The following KISS1R variants were observed in gnomAD, a reference collection of about 807,000 sequenced individuals.
KISS1R encodes KISS1 receptor, also known as kiSS-1 receptor.
In KISS1R, 19 loss-of-function variants were observed where a neutral mutation model predicts 22.0. The ratio of observed to expected loss-of-function variants is 0.86; its 90% CI spans 0.60 to 1.26. The LOEUF is 1.26. KISS1R is among the 50% of genes most tolerant of loss of function. The probability of loss-of-function intolerance (pLI) is 0.00; values close to 1 mark genes in which losing one functional copy is unlikely to be tolerated. For synonymous variants in KISS1R, 302 were observed against 283.9 expected, an observed-to-expected ratio of 1.06 and a Z score of -0.64; for missense variants, 653 against 581.9, an observed-to-expected ratio of 1.12 and a Z score of -1.26.
Position 917,738 on chromosome 19 carries a change from T to G in KISS1R, c.236T>G (p.Phe79Cys). Residue 79 changes from phenylalanine (F) to cysteine (C), a missense_variant, in exon 1 of 5, where the codon TTC becomes TGC. By Grantham distance (205) the Phe-to-Cys change is radical. Transcript: ENST00000234371. ...AAGCCGATGCGGACCGTGACCAACT[T>G]CTACATCGGTGAGTGCGGGCGCTGC... ...RHKPMRTVTN[F>C]YIANLAATDV... 1 of 1,604,972 alleles carries G rather than the reference T, an allele frequency of 6.2e-7. No homozygotes were observed. Among genetic ancestry groups the G allele is most frequent in the South Asian group, 1.1e-5 (1 of 90,196 alleles).
intron 2 of KISS1R, among the ~76,000 whole-genome samples, chr19:919,261 C>T (rs1041683127): frequency 2.0e-5 from 3 of 152,026 alleles, no homozygotes; most frequent in Non-Finnish European, 4.4e-5. Context: ...GTCTCAGACT[C>T]GGGGTATCAG....
chr19:919,649 C>T (rs1599370558), intron 3 of KISS1R, 24 bp downstream of exon 3: 2 of 1,543,296 alleles, frequency 1.3e-6, no homozygotes, highest in Non-Finnish European at 1.7e-6. Flanking sequence ...AGGGGCCTCA[C>T]GGGAGAAGGC....
intron 2 of KISS1R, 133 bp from the exon 3 acceptor site, chr19:919,357 G>A: frequency 7.6e-7 from 1 of 1,309,434 alleles, no homozygotes. Context: ...AACCCGCACT[G>A]GACACTCCTC....
At chr19:918,735 AG>A (rs2037083254) in intron 2 of KISS1R, 67 bp downstream of exon 2, 2 of 817,276 alleles carry the variant, frequency 2.4e-6, no homozygotes, top group Admixed American at 8.9e-5. Context: ...CCGCAGTGGG[AG>A]GGGAGGGGAC....
At chr19:918,483 C>G in intron 1 of KISS1R, 61 bp from the exon 2 acceptor site, 1 of 1,528,082 alleles carries the variant, frequency 6.5e-7, no homozygotes, top group Non-Finnish European at 8.8e-7. Context: ...GGGCCAGGAG[C>G]GCTGGGCGGT....
At chr19:920,205 A>G (rs573645100) in intron 4 of KISS1R, 85 bp from the exon 5 acceptor site, 63 of 1,518,448 alleles carry the variant, frequency 4.1e-5, no homozygotes, top group Non-Finnish European at 5.1e-5. Flanking sequence ...GGGACAGCCC[A>G]AGGGGTCCAG....
At position 917,709 on chromosome 19, in the gene KISS1R, C is replaced by T. The variant is rs1454827409; in HGVS notation, c.207C>T (p.Arg69=). 5 of 1,602,998 alleles carry T rather than the reference C, an allele frequency of 3.1e-6. No homozygotes were observed. Among genetic ancestry groups the T allele is most frequent in the East Asian group, 2.3e-5 (1 of 44,244 alleles). Residue 69 remains arginine, a synonymous_variant, in exon 1 of 5, where the codon CGC becomes CGT. Coordinates refer to ENST00000234371, the MANE Select transcript of KISS1R (RefSeq NM_032551.5). Reference sequence around the variant, plus strand: ...CGCTGGTCATCTACGTCATCTGCCGCCACAAGCCGATGCGGACCGTGACCA... The same window carrying T: ...CGCTGGTCATCTACGTCATCTGCCGTCACAAGCCGATGCGGACCGTGACCA... ...GNSLVIYVIC[R]HKPMRTVTNF...
In KISS1R at chr19:918,525, C is replaced by T. The variant is rs1190671003; in HGVS notation, c.245-19C>T. 1.3e-6 allele frequency: 2 copies of T among 1,543,602 alleles called. No individual in the cohort carries two copies. Among genetic ancestry groups the T allele is most frequent in the African/African-American group, 1.4e-5 (1 of 73,036 alleles). The stretch of plus-strand genomic sequence containing the variant: ...GGCCAGTGGCGCCCACGCCCAGCGC[C>T]CGCGCATCCCCACCGCAGCCAACCT... On this transcript the variant is annotated intron_variant, in intron 1 of 4. Coordinates refer to ENST00000234371, the MANE Select transcript of KISS1R (RefSeq NM_032551.5).
At chr19:919,422 A>C in intron 2 of KISS1R, 68 bp from the exon 3 acceptor site, 2 of 1,531,240 alleles carry the variant, frequency 1.3e-6, no homozygotes, top group Non-Finnish European at 1.7e-6. Context: ...GGGGATCAGC[A>C]GGGCGGGCGG....
intron 2 of KISS1R, 56 bp from the exon 3 acceptor site, chr19:919,434 C>A: frequency 1.3e-6 from 2 of 1,534,716 alleles, no homozygotes; most frequent in Non-Finnish European, 1.7e-6. Flanking sequence ...GGCGGGCGGA[C>A]AGGGCAGGCT....
At chr19:918,421 CT>C (rs2037078575) in intron 1 of KISS1R, 122 bp from the exon 2 acceptor site, 1 of 1,196,960 alleles carries the variant, frequency 8.4e-7, no homozygotes, top group Non-Finnish European at 1.1e-6. Flanking sequence ...AGGGGGGGGC[CT>C]CCCTGAGCCA....
rs555955917 is a variant in KISS1R, at chr19:917,494, C to G, written c.-9C>G. On this transcript the variant is annotated 5_prime_UTR_variant, in exon 1 of 5. Coordinates refer to ENST00000234371, the MANE Select transcript of KISS1R (RefSeq NM_032551.5). Reference sequence around the variant, plus strand: ...GGAGGGCGGCCGGGAGGAGGAGGTGCGCGCGGCCATGCACACCGTGGCTAC... The same window carrying G: ...GGAGGGCGGCCGGGAGGAGGAGGTGGGCGCGGCCATGCACACCGTGGCTAC... 6.9e-7 allele frequency: 1 copy of G among 1,454,670 alleles called. No homozygotes were observed. Among genetic ancestry groups the G allele is most frequent in the African/African-American group, 1.5e-5 (1 of 67,566 alleles). 90.1% of individuals were successfully genotyped at this position (1,454,670 alleles called of 1,614,324 possible).
rs1222328403 is a variant in KISS1R, at chr19:920,894, T to C, written c.*146T>C. The C allele has an allele frequency of 1.1e-6, 1 of 935,116 alleles. No homozygotes were observed. Among genetic ancestry groups the C allele is most frequent in the Admixed American group, 4.4e-5 (1 of 22,986 alleles). 57.9% of individuals were successfully genotyped at this position (935,116 alleles called of 1,614,324 possible). A position where few individuals can be genotyped will look rare whatever the true frequency, so the allele number is the denominator to read the frequency against. Reference sequence around the variant, plus strand: ...TCTTGTGACGTTCGGTGCAGTTTCGTTGTGAAGTTTGCTATTGATATTGAA... The same window carrying C: ...TCTTGTGACGTTCGGTGCAGTTTCGCTGTGAAGTTTGCTATTGATATTGAA... On this transcript the variant is annotated 3_prime_UTR_variant, in exon 5 of 5. Coordinates refer to ENST00000234371, the MANE Select transcript of KISS1R (RefSeq NM_032551.5).
At chr19:917,863 C>A in intron 1 of KISS1R, 117 bp downstream of exon 1, 1 of 1,250,540 alleles carries the variant, frequency 8.0e-7, no homozygotes, top group Non-Finnish European at 1.1e-6. Context: ...CTGTCCCCTG[C>A]AGGGGTCCCC....
intron 1 of KISS1R, 33 bp from the exon 2 acceptor site, chr19:918,511 C>T: frequency 6.5e-7 from 1 of 1,539,520 alleles, no homozygotes; most frequent in Non-Finnish European, 8.7e-7. Context: ...GCCAGTGGCG[C>T]CCACGCCCAG....
rs989855877 is a variant in KISS1R at position 920,648 on chromosome 19, TG to T, written c.1101del (p.Ser368ProfsTer57). On this transcript the variant is annotated frameshift_variant, in exon 5 of 5. Transcript: ENST00000234371. LOFTEE classifies it low-confidence loss of function (END_TRUNC). ...PAAPHAELLR[L>X]GSHPAPARAQ... ...GCCCCACACGCGGAGCTGCTCCGCC[TG>T]GGGTCCCACCCGGCCCCCGCCAGGG... is the stretch of plus-strand genomic sequence containing the variant. The T allele has an allele frequency of 3.8e-6, 5 of 1,314,030 alleles. No homozygotes were observed. The highest frequency in any genetic ancestry group is 7.8e-5 in the Admixed American group (2 of 25,712). 81.4% of individuals were successfully genotyped at this position (1,314,030 alleles called of 1,614,324 possible).
chr19:920,086 C>T lies in KISS1R; in HGVS notation c.718C>T (p.Pro240Ser). The T allele has an allele frequency of 1.3e-6, 2 of 1,506,708 alleles. No individual in the cohort carries two copies. The highest frequency in any genetic ancestry group is 1.8e-6 in the Non-Finnish European group (2 of 1,134,218). The allele number at this position is 1,506,708 out of a possible 1,614,324, so 93.3% of individuals were successfully genotyped here. The change falls in exon 4 of 5, where the codon CCC (proline) becomes TCC (serine). Residue 240 changes from proline (P) to serine (S), a missense_variant. Pro to Ser is a moderately conservative substitution (Grantham distance 74, BLOSUM62 -1). Transcript: ENST00000234371. ...GGGCCGGGTCGCCGTGCGCCCCGCG[C>T]CCGCCGATAGCGCCCTGCAGGTGCG... is the stretch of plus-strand genomic sequence containing the variant. ...HLGRVAVRPA[P>S]ADSALQGQVL...
At chr19:917,786 G>C (rs1299610089) in intron 1 of KISS1R, 40 bp downstream of exon 1, 1 of 1,567,884 alleles carries the variant, frequency 6.4e-7, no homozygotes, top group South Asian at 1.2e-5. Context: ...GCCGTCCCGG[G>C]GGCTCCGAGG....
chr19:918,725 C>A, intron 2 of KISS1R, 57 bp downstream of exon 2: 1 of 1,457,222 alleles, frequency 6.9e-7, no homozygotes, highest in Non-Finnish European at 9.1e-7. Context: ...GGGGTGCGCT[C>A]CGCAGTGGGA....
Sources: allele counts gnomAD v4.1 joint callset (sites outside exome capture counted in the v4.1 genomes callset), GRCh38; gene constraint gnomAD v4.1.1; transcripts MANE v1.5; gene names NCBI Gene and HGNC (gene_info 2026-07-23, HGNC 2026-07-21).